Variants in XPR1 observed in about 807,000 individuals in gnomAD.
The protein encoded by XPR1 is solute carrier family 53 member 1.
A neutral mutation model predicts 87.5 loss-of-function variants in XPR1; 28 were observed. That is an observed-to-expected ratio of 0.32 (90% CI 0.24 to 0.44). The LOEUF is 0.44. Ranked by LOEUF, XPR1 falls within the 20% of genes least tolerant of loss-of-function variation. XPR1 has a pLI of 1.00. For synonymous variants in XPR1, 300 were observed against 306.1 expected (o/e 0.98, Z 0.21); for missense variants, 559 against 862.3 (o/e 0.65, Z 4.41).
intron 1 of XPR1, among the ~76,000 whole-genome samples, chr1:180,656,435 T>G (rs1352368840): frequency 1.0e-4 from 1 of 10,030 alleles, no homozygotes; most frequent in South Asian, 4.7e-3. Context: ...ATTTATATAT[T>G]TATATATAAA....
Position 180,803,573 on chromosome 1 carries a change from G to T in XPR1, c.409G>T (p.Glu137Ter). ...NIKDLKLAFS[E>*]FYLSLILLQN... Reference sequence around the variant, plus strand: ...TAAAGACCTTAAACTGGCCTTCAGTGAGTTCTACCTCAGTCTAATCCTGCT... The same window carrying T: ...TAAAGACCTTAAACTGGCCTTCAGTTAGTTCTACCTCAGTCTAATCCTGCT... The change falls in exon 4 of 15, where the codon GAG becomes TAG. Residue 137 changes from glutamate to a stop codon, truncating the protein, a stop_gained. Transcript: ENST00000367590. LOFTEE classifies it high-confidence loss of function. 6.2e-7 allele frequency: 1 copy of T among 1,613,104 alleles called. No homozygotes were observed. Among genetic ancestry groups the T allele is most frequent in the Non-Finnish European group, 8.5e-7 (1 of 1,179,940 alleles).
chr1:180,709,288 TG>T (rs1177921917), intron 2 of XPR1, among the ~76,000 whole-genome samples: 18 of 152,240 alleles, frequency 1.2e-4, no homozygotes, highest in Admixed American at 1.2e-3. Context: ...ACAGCTTTTT[TG>T]AAGTATAATT....
intron 2 of XPR1, among the ~76,000 whole-genome samples, chr1:180,732,702 G>A (rs1173745292): frequency 6.6e-6 from 1 of 152,186 alleles, no homozygotes; most frequent in Non-Finnish European, 1.5e-5. Flanking sequence ...AGCCCCAGTG[G>A]GCATGTGTTA....
intron 1 of XPR1, among the ~76,000 whole-genome samples, chr1:180,667,179 C>G (rs1000935623): frequency 6.6e-6 from 1 of 152,212 alleles, no homozygotes; most frequent in Non-Finnish European, 1.5e-5. Context: ...CTTCCCCTTA[C>G]TGGGATTACA....
At chr1:180,809,796 A>G (rs915891679) in intron 6 of XPR1, among the ~76,000 whole-genome samples, 19 of 152,210 alleles carry the variant, frequency 1.2e-4, no homozygotes, top group Admixed American at 3.3e-4. Flanking sequence ...CAGTCCAAAT[A>G]AATTATATGC....
chr1:180,881,503 G>A (rs1571256888), intron 14 of XPR1, among the ~76,000 whole-genome samples: 1 of 152,310 alleles, frequency 6.6e-6, no homozygotes, highest in East Asian at 1.9e-4. Context: ...ATGACATTGT[G>A]AAAGTAGTAT....
chr1:180,667,604 T>TA (rs1251812145), intron 1 of XPR1, among the ~76,000 whole-genome samples: 1 of 152,220 alleles, frequency 6.6e-6, no homozygotes, highest in Non-Finnish European at 1.5e-5. Flanking sequence ...ATCAAAGTAA[T>TA]ACTGGCCTCA....
intron 3 of XPR1, among the ~76,000 whole-genome samples, chr1:180,803,030 G>C (rs905293374): frequency 1.3e-5 from 2 of 149,780 alleles, no homozygotes; most frequent in African/African-American, 5.1e-5. Context: ...TATGTTTTCA[G>C]CTCTCTTAAG....
intron 3 of XPR1, among the ~76,000 whole-genome samples, chr1:180,798,416 A>G (rs953291182): frequency 3.3e-5 from 5 of 152,182 alleles, no homozygotes; most frequent in Non-Finnish European, 7.4e-5. Flanking sequence ...CGATAAAGAG[A>G]AGAAAATATG....
At chr1:180,759,338 G>C (rs1401842450) in intron 2 of XPR1, among the ~76,000 whole-genome samples, 1 of 151,984 alleles carries the variant, frequency 6.6e-6, no homozygotes, top group South Asian at 2.1e-4. Context: ...CTGGTTTTTT[G>C]AAAGATCAAC....
At chr1:180,750,760 G>C (rs1016071095) in intron 2 of XPR1, among the ~76,000 whole-genome samples, 1 of 151,666 alleles carries the variant, frequency 6.6e-6, no homozygotes, top group African/African-American at 2.4e-5. Context: ...AAATCTACTT[G>C]TCAATTTTTG....
At chr1:180,703,913 A>T (rs933551743) in intron 2 of XPR1, among the ~76,000 whole-genome samples, 4 of 152,142 alleles carry the variant, frequency 2.6e-5, no homozygotes, top group African/African-American at 7.2e-5. Context: ...TGGACAGTAC[A>T]GATTATTTCT....
At chr1:180,797,417 C>A (rs750655788) in intron 3 of XPR1, among the ~76,000 whole-genome samples, 1 of 152,072 alleles carries the variant, frequency 6.6e-6, no homozygotes, top group Admixed American at 6.6e-5. Flanking sequence ...CCTTGCAAAA[C>A]GAGTAAGGAG....
chr1:180,820,233 A>G (rs1165377645), intron 7 of XPR1, among the ~76,000 whole-genome samples: 1 of 152,092 alleles, frequency 6.6e-6, no homozygotes, highest in Non-Finnish European at 1.5e-5. Context: ...CACCACGTCT[A>G]TCTAGTTCCC....
At chr1:180,781,850 C>T (rs192191698) in intron 2 of XPR1, among the ~76,000 whole-genome samples, 11 of 152,004 alleles carry the variant, frequency 7.2e-5, no homozygotes, top group Admixed American at 3.3e-4. Flanking sequence ...GGCTGGAGTG[C>T]GGTGGCACGA....
At chr1:180,664,904 A>G (rs1379059063) in intron 1 of XPR1, among the ~76,000 whole-genome samples, 1 of 152,204 alleles carries the variant, frequency 6.6e-6, no homozygotes, top group African/African-American at 2.4e-5. Flanking sequence ...AATCTCTTCC[A>G]TGTGCAGTTC....
intron 2 of XPR1, among the ~76,000 whole-genome samples, chr1:180,756,311 GT>G (rs1179204887): frequency 6.6e-6 from 1 of 152,180 alleles, no homozygotes; most frequent in African/African-American, 2.4e-5. Context: ...CATTTTCTAA[GT>G]TTTAAAATTA....
intron 2 of XPR1, among the ~76,000 whole-genome samples, chr1:180,698,516 T>C (rs1657243654): frequency 6.6e-6 from 1 of 152,184 alleles, no homozygotes; most frequent in Non-Finnish European, 1.5e-5. Flanking sequence ...CTTCTGTTCT[T>C]GTTTATCATG....
chr1:180,863,995 A>C, intron 12 of XPR1, 121 bp downstream of exon 12: 1 of 760,802 alleles, frequency 1.3e-6, no homozygotes, highest in Non-Finnish European at 1.8e-6. Context: ...AAAATAATTA[A>C]CAAAAATACT....
Sources: allele counts gnomAD v4.1 joint callset (sites outside exome capture counted in the v4.1 genomes callset), GRCh38; gene constraint gnomAD v4.1.1; transcripts MANE v1.5; gene names NCBI Gene and HGNC (gene_info 2026-07-23, HGNC 2026-07-21).